CDC27: variants seen among roughly 807,000 people sequenced by gnomAD.
CDC27 encodes cell division cycle protein 27 homolog.
CDC27 carries 27 observed loss-of-function variants against 109.7 expected under a neutral mutation model. The observed-to-expected ratio is 0.25, with a 90% CI of 0.18 to 0.34. The LOEUF is 0.34. CDC27 is among the 10% of genes least tolerant of loss of function. The probability of loss-of-function intolerance (pLI) is 1.00; values close to 1 mark genes in which losing one functional copy is unlikely to be tolerated. For missense variants in CDC27, 579 were observed against 960.2 expected (o/e 0.60, Z 5.25); for synonymous variants, 266 against 333.9 (o/e 0.80, Z 2.22).
intron 1 of CDC27, among the ~76,000 whole-genome samples, chr17:47,187,682 G>T (rs1439075870): frequency 6.6e-6 from 1 of 150,800 alleles, no homozygotes; most frequent in African/African-American, 2.4e-5. Context: ...CACTTTAGAA[G>T]ACTTCTGGGG....
At chr17:47,173,350 T>C (rs907893071) in intron 2 of CDC27, among the ~76,000 whole-genome samples, 15 of 150,768 alleles carry the variant, frequency 9.9e-5, no homozygotes, top group Non-Finnish European at 1.9e-4. Flanking sequence ...ATGAGATGTA[T>C]AGTAGTATTA....
chr17:47,181,498 A>G, intron 2 of CDC27, 64 bp downstream of exon 2: 2 of 887,934 alleles, frequency 2.3e-6, no homozygotes, highest in Non-Finnish European at 3.7e-6. Flanking sequence ...ACAGTGATAA[A>G]AAGTTATGGA....
chr17:47,187,989 T>A (rs1325757635), intron 1 of CDC27, among the ~76,000 whole-genome samples: 1 of 152,152 alleles, frequency 6.6e-6, no homozygotes, highest in Non-Finnish European at 1.5e-5. Context: ...CACTAATAGC[T>A]GCTATATGTA....
intron 9 of CDC27, among the ~76,000 whole-genome samples, chr17:47,146,916 A>G (rs1296185810): frequency 1.3e-5 from 2 of 152,040 alleles, no homozygotes; most frequent in Non-Finnish European, 2.9e-5. Flanking sequence ...CTAAAAAAAA[A>G]TTAGCCATAT....
chr17:47,125,014 T>C (rs1002373363), intron 16 of CDC27, among the ~76,000 whole-genome samples: 1 of 151,024 alleles, frequency 6.6e-6, no homozygotes, highest in African/African-American at 2.4e-5. Context: ...GCCTCCTGGG[T>C]TCAAGTGATT....
chr17:47,159,576 G>A (rs190829506), intron 4 of CDC27: 134 of 476,628 alleles, frequency 2.8e-4, no homozygotes, highest in African/African-American at 2.5e-3. Context: ...TAGCCTCTGC[G>A]CACGGGGACA....
intron 2 of CDC27, among the ~76,000 whole-genome samples, chr17:47,179,482 C>A (rs567915553): frequency 6.6e-6 from 1 of 152,244 alleles, no homozygotes; most frequent in South Asian, 2.1e-4. Context: ...CTAGTTACCG[C>A]CTGTGGACAT....
intron 1 of CDC27, among the ~76,000 whole-genome samples, chr17:47,185,920 G>C (rs939738659): frequency 6.6e-6 from 1 of 152,228 alleles, no homozygotes; most frequent in Non-Finnish European, 1.5e-5. Flanking sequence ...GCAATGTCTA[G>C]AGGGTATTTT....
chr17:47,145,166 T>G (rs1568399474), intron 9 of CDC27, among the ~76,000 whole-genome samples: 1 of 152,220 alleles, frequency 6.6e-6, no homozygotes, highest in African/African-American at 2.4e-5. Context: ...AACAATGGTT[T>G]TCAGACACTG....
chr17:47,142,340 T>A lies in CDC27; in HGVS notation c.1267A>T (p.Ile423Leu), dbSNP rs761626815. 6 of 1,531,258 alleles carry A rather than the reference T, an allele frequency of 3.9e-6. No individual in the cohort carries two copies. In the Admixed American group the frequency reaches 1.0e-4, roughly 26 times the overall value. 94.9% of individuals were successfully genotyped at this position (1,531,258 alleles called of 1,614,324 possible). Residue 423 changes from isoleucine (I) to leucine (L), a missense_variant, in exon 11 of 19, where the codon ATA (isoleucine) becomes TTA (leucine). Transcript: ENST00000066544. ...TTTGTAATTTCCAGGCTATCATTTA[T>A]GTTAGGTTGAGTTATTCCTCCTTTA... ...TNKGGITQPN[I>L]NDSLEITKLD...
At chr17:47,188,683 CT>C in intron 1 of CDC27, 2 of 894,566 alleles carry the variant, frequency 2.2e-6, no homozygotes, top group Non-Finnish European at 2.7e-6. Context: ...AAGACCGATC[CT>C]ACGCTCCCTC....
chr17:47,189,277 G>C lies in CDC27; in HGVS notation c.-105C>G. The C allele has an allele frequency of 5.7e-6, 5 of 881,218 alleles. No homozygotes were observed. The highest frequency in any genetic ancestry group is 9.4e-6 in the Non-Finnish European group (5 of 530,460). 54.6% of individuals were successfully genotyped at this position (881,218 alleles called of 1,614,324 possible). A position where few individuals can be genotyped will look rare whatever the true frequency, so the allele number is the denominator to read the frequency against. On this transcript the variant is annotated 5_prime_UTR_variant, in exon 1 of 19. Coordinates refer to ENST00000066544, the MANE Select transcript of CDC27 (RefSeq NM_001256.6). Reference sequence around the variant, plus strand: ...TAAACTCACCAGCGACCGTTACCGGGGGATGGGGGAGGCCGAGCGATTGCC... The same window carrying C: ...TAAACTCACCAGCGACCGTTACCGGCGGATGGGGGAGGCCGAGCGATTGCC...
chr17:47,189,137 T>G lies in CDC27; in HGVS notation c.27+9A>C. ...CCAGCCAAGCCCCAGAGAAGAAGGTTATCATTACCTGGACGGGTTCCTGCA... is the reference window on the plus strand; with the variant it reads ...CCAGCCAAGCCCCAGAGAAGAAGGTGATCATTACCTGGACGGGTTCCTGCA... On this transcript the variant is annotated intron_variant, in intron 1 of 18. Transcript: ENST00000066544. The G allele has an allele frequency of 6.2e-7, 1 of 1,613,156 alleles. No homozygotes were observed. Among genetic ancestry groups the G allele is most frequent in the Non-Finnish European group, 8.5e-7 (1 of 1,179,154 alleles).
intron 4 of CDC27, among the ~76,000 whole-genome samples, chr17:47,163,211 T>C (rs941485309): frequency 2.9e-5 from 4 of 138,850 alleles, no homozygotes; most frequent in African/African-American, 7.6e-5. Context: ...TCATGTGCTG[T>C]AATAGACAAA....
chr17:47,123,992 CA>C, intron 16 of CDC27, 32 bp from the exon 17 acceptor site: 2 of 1,492,460 alleles, frequency 1.3e-6, no homozygotes. Context: ...CTTAAAGTAG[CA>C]AAAATTTTTA....
At chr17:47,134,864 A>C (rs913117545) in intron 14 of CDC27, among the ~76,000 whole-genome samples, 4 of 150,166 alleles carry the variant, frequency 2.7e-5, no homozygotes, top group Non-Finnish European at 4.4e-5. Context: ...GTCTCAAGTA[A>C]TCTTCCAGCT....
chr17:47,134,744 G>A (rs2062519297), intron 14 of CDC27, among the ~76,000 whole-genome samples: 1 of 151,172 alleles, frequency 6.6e-6, no homozygotes, highest in Non-Finnish European at 1.5e-5. Flanking sequence ...AAAGTGCTGG[G>A]ATTACAGGCG....
chr17:47,154,309 G>T (rs1357378251), intron 8 of CDC27, among the ~76,000 whole-genome samples: 2 of 151,218 alleles, frequency 1.3e-5, no homozygotes, highest in African/African-American at 4.9e-5. Context: ...TAAAAACTAT[G>T]GCAGACATAA....
At chr17:47,183,986 T>C (rs2064336888) in intron 1 of CDC27, among the ~76,000 whole-genome samples, 1 of 152,176 alleles carries the variant, frequency 6.6e-6, no homozygotes, top group Admixed American at 6.5e-5. Flanking sequence ...ATTATGCAAA[T>C]AATTACCACC....
Sources: allele counts gnomAD v4.1 joint callset (sites outside exome capture counted in the v4.1 genomes callset), GRCh38; gene constraint gnomAD v4.1.1; transcripts MANE v1.5; gene names NCBI Gene and HGNC (gene_info 2026-07-23, HGNC 2026-07-21).